LMCD1: variants seen among roughly 807,000 people sequenced by gnomAD.
LMCD1 encodes LIM and cysteine rich domains 1.
A neutral mutation model predicts 42.7 loss-of-function variants in LMCD1; 32 were observed. The observed-to-expected ratio is 0.75, with a 90% CI of 0.57 to 1.01. LMCD1 has a LOEUF of 1.01. Ranked by LOEUF, LMCD1 falls within the 50% of genes least tolerant of loss-of-function variation. LMCD1 has a pLI of 0.00. For synonymous variants in LMCD1, 178 were observed against 184.9 expected, an observed-to-expected ratio of 0.96 and a Z score of 0.30; for missense variants, 458 against 483.1, an observed-to-expected ratio of 0.95 and a Z score of 0.49.
At chr3:8,551,164 T>C in intron 4 of LMCD1, 1 of 985,372 alleles carries the variant, frequency 1.0e-6, no homozygotes, top group Non-Finnish European at 1.2e-6. Flanking sequence ...TTAATTATTA[T>C]GTAATTAGTG....
At chr3:8,525,846 A>G (rs1158452142) in intron 1 of LMCD1, among the ~76,000 whole-genome samples, 1 of 152,218 alleles carries the variant, frequency 6.6e-6, no homozygotes, top group East Asian at 1.9e-4. Flanking sequence ...GATGCCTGTA[A>G]TCAACCCCCA....
At chr3:8,519,454 C>A (rs73127974) in intron 1 of LMCD1, among the ~76,000 whole-genome samples, 1 of 152,052 alleles carries the variant, frequency 6.6e-6, no homozygotes, top group Non-Finnish European at 1.5e-5. Flanking sequence ...TGTTTTACAT[C>A]TGAATTGTGG....
At chr3:8,547,421 T>C (rs1414558592) in intron 3 of LMCD1, among the ~76,000 whole-genome samples, 4 of 152,230 alleles carry the variant, frequency 2.6e-5, no homozygotes, top group Non-Finnish European at 2.9e-5. Flanking sequence ...TTAATAAATA[T>C]ACTATTGTCT....
At chr3:8,549,021 A>G (rs1208615401) in intron 4 of LMCD1, 118 bp downstream of exon 4, 6 of 735,050 alleles carry the variant, frequency 8.2e-6, no homozygotes, top group African/African-American at 1.8e-5. Flanking sequence ...GAATTTGTGC[A>G]TTCAGCAGAT....
intron 4 of LMCD1, among the ~76,000 whole-genome samples, chr3:8,555,245 C>T (rs562040846): frequency 3.7e-4 from 56 of 152,210 alleles, no homozygotes; most frequent in Non-Finnish European, 1.5e-5. Context: ...CGGCTCAGCC[C>T]AACTCCAGCC....
chr3:8,555,193 C>G (rs114277961), intron 4 of LMCD1, among the ~76,000 whole-genome samples: 3 of 152,140 alleles, frequency 2.0e-5, no homozygotes, highest in Non-Finnish European at 2.9e-5. Context: ...CCCTCCCCCC[C>G]GCCAAAGGTC....
intron 1 of LMCD1, among the ~76,000 whole-genome samples, chr3:8,504,637 A>G (rs1289194784): frequency 6.6e-6 from 1 of 152,210 alleles, no homozygotes; most frequent in East Asian, 1.9e-4. Flanking sequence ...ACATACATAC[A>G]TCGTGGCAGA....
In LMCD1 at chr3:8,548,804, C is replaced by G. The variant is rs763014462; in HGVS notation, c.624C>G (p.Pro208=). ...EVALPGQGGL[P]KEEGKQQEKP... is the part of the protein sequence containing the mutation. ...CCCTCCCGGGGCAGGGTGGCTTGCC[C>G]AAGGAGGAGGGGAAGCAGCAGGAAA... The change falls in exon 4 of 6, where the codon CCC becomes CCG. Residue 208 remains proline (P), a synonymous_variant. Transcript: ENST00000157600. The G allele has an allele frequency of 6.2e-7, 1 of 1,607,584 alleles. No homozygotes were observed. Among genetic ancestry groups the G allele is most frequent in the Non-Finnish European group, 8.5e-7 (1 of 1,174,856 alleles).
chr3:8,569,445 A>G lies in LMCD1; in HGVS notation c.*1847A>G, dbSNP rs529485422. On this transcript the variant is annotated 3_prime_UTR_variant, in exon 6 of 6. Coordinates refer to ENST00000157600, the MANE Select transcript of LMCD1 (RefSeq NM_014583.4). ...CCATTCCACAAGTATTTCAGTGAGC[A>G]CGGCAAAGTTCCAATTCCCATGCTG... The G allele has an allele frequency of 2.4e-4, 36 of 152,316 alleles. No homozygotes were observed. The highest frequency in any genetic ancestry group is 6.7e-4 in the African/African-American group (28 of 41,564). The allele number at this position is 152,316 out of a possible 1,614,324, so 9.4% of individuals were successfully genotyped here.
chr3:8,527,834 T>C (rs1694328770), intron 1 of LMCD1, among the ~76,000 whole-genome samples: 1 of 152,238 alleles, frequency 6.6e-6, no homozygotes, highest in South Asian at 2.1e-4. Flanking sequence ...TAACAAAGAT[T>C]GTGTTCTACC....
rs1438120088 is a variant in LMCD1, at chr3:8,505,090, A to C, written c.42+3110A>C. ...TACATAAAAGGCTCAGCATATGGGC[A>C]CTCAGAGTTAGCCATGGCAGTCCTT... On this transcript the variant is annotated intron_variant, in intron 1 of 5. Coordinates refer to ENST00000157600, the MANE Select transcript of LMCD1 (RefSeq NM_014583.4). 2.0e-5 allele frequency among the ~76,000 whole-genome samples: 3 copies of C among 152,244 alleles called. No homozygotes were observed. In the East Asian group the frequency reaches 5.8e-4, roughly 29 times the overall value.
chr3:8,522,696 G>A (rs933040407), intron 1 of LMCD1, among the ~76,000 whole-genome samples: 2 of 152,068 alleles, frequency 1.3e-5, no homozygotes, highest in Admixed American at 6.5e-5. Flanking sequence ...GGAACATTAA[G>A]GAGAACATGG....
At chr3:8,524,464 G>A (rs1049997466) in intron 1 of LMCD1, among the ~76,000 whole-genome samples, 2 of 152,196 alleles carry the variant, frequency 1.3e-5, no homozygotes, top group Admixed American at 1.3e-4. Flanking sequence ...TTAAGAGAAT[G>A]ACTGCATTTG....
intron 2 of LMCD1, among the ~76,000 whole-genome samples, chr3:8,535,946 C>A (rs1694499654): frequency 6.6e-6 from 1 of 152,248 alleles, no homozygotes; most frequent in African/African-American, 2.4e-5. Flanking sequence ...CTCTACCCCA[C>A]TGGGACAATC....
chr3:8,543,440 TAGACAGAC>T (rs1553607334), intron 3 of LMCD1, among the ~76,000 whole-genome samples: 9 of 134,154 alleles, frequency 6.7e-5, no homozygotes, highest in East Asian at 2.1e-4. Flanking sequence ...GATAGATAGA[TAGACAGAC>T]AGACAGAGAG....
At chr3:8,548,468 A>C in intron 3 of LMCD1, 100 bp from the exon 4 acceptor site, 4 of 715,072 alleles carry the variant, frequency 5.6e-6, no homozygotes, top group Non-Finnish European at 6.5e-6. Context: ...GAATGCTGGA[A>C]GAGAATGCAT....
At chr3:8,553,304 A>G (rs577865680) in intron 4 of LMCD1, among the ~76,000 whole-genome samples, 1 of 152,190 alleles carries the variant, frequency 6.6e-6, no homozygotes, top group South Asian at 2.1e-4. Context: ...GAGGTGGCCT[A>G]TTGGAGCAAT....
intron 1 of LMCD1, among the ~76,000 whole-genome samples, chr3:8,513,785 T>A (rs936745472): frequency 6.6e-6 from 1 of 152,216 alleles, no homozygotes; most frequent in African/African-American, 2.4e-5. Context: ...TGCTTGTGTC[T>A]TTTCCTCTGG....
chr3:8,567,639 G>C lies in LMCD1; in HGVS notation c.*41G>C. The C allele has an allele frequency of 6.3e-7, 1 of 1,584,468 alleles. No individual in the cohort carries two copies. Among genetic ancestry groups the C allele is most frequent in the Non-Finnish European group, 8.6e-7 (1 of 1,164,204 alleles). ...CAGCCAGAATCCACAGGATCCCACC[G>C]AGAAGGAGAGCCAGGTGTGCCGAGA... is the stretch of plus-strand genomic sequence containing the variant. On this transcript the variant is annotated 3_prime_UTR_variant, in exon 6 of 6. Transcript: ENST00000157600.
Sources: gnomAD v4.1 joint callset for allele counts (sites outside exome capture counted in the v4.1 genomes callset) on GRCh38, gnomAD v4.1.1 for gene constraint, MANE v1.5 for transcripts, NCBI Gene and HGNC (gene_info 2026-07-23, HGNC 2026-07-21) for gene names.